DDI2: variants seen among roughly 807,000 people sequenced by gnomAD.
The protein encoded by DDI2 is protein DDI1 homolog 2.
DDI2 carries 5 observed loss-of-function variants against 48.1 expected under a neutral mutation model. The observed-to-expected ratio is 0.10, with a 90% CI of 0.05 to 0.22. The LOEUF (loss-of-function observed/expected upper bound fraction) is 0.22, where lower values mean the gene tolerates loss of function less well. Among genes scored for constraint, DDI2 ranks in the 10% least tolerant of loss-of-function variants. The pLI is 1.00. For missense variants in DDI2, 285 were observed against 506.2 expected (o/e 0.56, Z 4.19); for synonymous variants, 205 against 183.6 (o/e 1.12, Z -0.94).
chr1:15,631,033 C>T (rs1390399898), intron 3 of DDI2, among the ~76,000 whole-genome samples: 2 of 152,080 alleles, frequency 1.3e-5, no homozygotes, highest in South Asian at 2.1e-4. Context: ...TTATTAGAGA[C>T]GGGGTTTCAC....
At chr1:15,642,716 G>C (rs1424234917) in intron 5 of DDI2, among the ~76,000 whole-genome samples, 1 of 152,156 alleles carries the variant, frequency 6.6e-6, no homozygotes, top group Non-Finnish European at 1.5e-5. Flanking sequence ...TTGAGGTGAG[G>C]AGTTCCAGAC....
At chr1:15,649,499 C>T (rs1303229505) in intron 6 of DDI2, among the ~76,000 whole-genome samples, 1 of 152,066 alleles carries the variant, frequency 6.6e-6, no homozygotes, top group Non-Finnish European at 1.5e-5. Flanking sequence ...GGCAAAACCC[C>T]GTCTCTACTA....
chr1:15,644,150 C>T (rs1640050196), intron 6 of DDI2, among the ~76,000 whole-genome samples: 1 of 152,182 alleles, frequency 6.6e-6, no homozygotes, highest in Non-Finnish European at 1.5e-5. Context: ...TCCCTTCAAG[C>T]ACATCCAATA....
chr1:15,660,736 G>C lies in DDI2; in HGVS notation c.*946G>C. 6.2e-7 allele frequency: 1 copy of C among 1,613,796 alleles called. No homozygotes were observed. Among genetic ancestry groups the C allele is most frequent in the Non-Finnish European group, 8.5e-7 (1 of 1,179,938 alleles). On this transcript the variant is annotated 3_prime_UTR_variant, in exon 10 of 10. Transcript: ENST00000480945. ...TTTAGATAATCCCTTGATGGAAGTA[G>C]AAACATCAAAATGTAACCCTTCATC... is the stretch of plus-strand genomic sequence containing the variant.
intron 1 of DDI2, among the ~76,000 whole-genome samples, chr1:15,625,517 T>C (rs1168168145): frequency 6.6e-6 from 1 of 152,224 alleles, no homozygotes; most frequent in Non-Finnish European, 1.5e-5. Flanking sequence ...TTTTTTTCAG[T>C]TTGATTACAC....
chr1:15,641,298 C>G (rs961055039), intron 5 of DDI2, among the ~76,000 whole-genome samples: 2 of 151,500 alleles, frequency 1.3e-5, no homozygotes, highest in African/African-American at 4.9e-5. Context: ...ATGGTGAAAC[C>G]CCATGTCTAT....
At chr1:15,651,951 G>C in intron 8 of DDI2, 56 bp downstream of exon 8, 1 of 1,543,224 alleles carries the variant, frequency 6.5e-7, no homozygotes, top group Non-Finnish European at 8.8e-7. Flanking sequence ...AGCCCGGGAA[G>C]TGTGGGCTTC....
At chr1:15,629,313 C>T (rs991046206) in intron 2 of DDI2, among the ~76,000 whole-genome samples, 1 of 152,052 alleles carries the variant, frequency 6.6e-6, no homozygotes, top group Non-Finnish European at 1.5e-5. Flanking sequence ...TCCTTTGATC[C>T]GGCCGGGCAC....
intron 1 of DDI2, among the ~76,000 whole-genome samples, chr1:15,625,063 T>G (rs137944160): frequency 2.0e-5 from 3 of 152,366 alleles, no homozygotes; most frequent in Admixed American, 6.5e-5. Flanking sequence ...TGTCTATAAA[T>G]TCTGAGAGCA....
Position 15,661,376 on chromosome 1 carries a change from C to T in DDI2, c.*1586C>T. ...AAACTTTTAGCAGGTGAGGAGGATG[C>T]ACTCAATCAGACTTCTGAGCAAACT... On this transcript the variant is annotated 3_prime_UTR_variant, in exon 10 of 10. Coordinates refer to ENST00000480945, the MANE Select transcript of DDI2 (RefSeq NM_032341.5). 1 of 1,614,164 alleles carries T rather than the reference C, an allele frequency of 6.2e-7. No individual in the cohort carries two copies. Among genetic ancestry groups the T allele is most frequent in the Non-Finnish European group, 8.5e-7 (1 of 1,180,016 alleles).
rs1640409594 is a variant in DDI2, at chr1:15,663,469, G to A, written c.*3679G>A. 6.6e-6 allele frequency: 1 copy of A among 152,170 alleles called. No homozygotes were observed. Among genetic ancestry groups the A allele is most frequent in the South Asian group, 2.1e-4 (1 of 4,826 alleles). 9.4% of individuals were successfully genotyped at this position (152,170 alleles called of 1,614,324 possible). On this transcript the variant is annotated 3_prime_UTR_variant, in exon 10 of 10. Coordinates refer to ENST00000480945, the MANE Select transcript of DDI2 (RefSeq NM_032341.5). ...TTCATCATGATCCTTTATGTAGTTA[G>A]GAAATGGTTGACAGAAGGAATTGTA...
chr1:15,649,371 T>A (rs1640143442), intron 6 of DDI2, among the ~76,000 whole-genome samples: 1 of 146,520 alleles, frequency 6.8e-6, no homozygotes, highest in Non-Finnish European at 1.5e-5. Flanking sequence ...CAAAAAATAA[T>A]AATGAAAAGA....
rs1640484801 is a variant in DDI2 at position 15,668,368 on chromosome 1, A to G, written c.*8578A>G. ...CCAAGACCTTCCCATTTGAATGACT[A>G]GATTTCTATTCTATCCCCGATCATC... On this transcript the variant is annotated 3_prime_UTR_variant, in exon 10 of 10. Transcript: ENST00000480945. 6.6e-6 allele frequency: 1 copy of G among 152,240 alleles called. No individual in the cohort carries two copies. The highest frequency in any genetic ancestry group is 2.4e-5 in the African/African-American group (1 of 41,462). The allele number at this position is 152,240 out of a possible 1,614,324, so 9.4% of individuals were successfully genotyped here. A position where few individuals can be genotyped will look rare whatever the true frequency, so the allele number is the denominator to read the frequency against.
At position 15,666,681 on chromosome 1, in the gene DDI2, T is replaced by C. The variant is rs1293148843; in HGVS notation, c.*6891T>C. 1 of 152,230 alleles carries C rather than the reference T, an allele frequency of 6.6e-6. No homozygotes were observed. The highest frequency in any genetic ancestry group is 1.9e-4 in the East Asian group (1 of 5,192). The allele number at this position is 152,230 out of a possible 1,614,324, so 9.4% of individuals were successfully genotyped here. ...GCCTGTGTGCCAGGCACAGGTGAAC[T>C]CTGGGGATTCAGGGGTAACTAAAAC... On this transcript the variant is annotated 3_prime_UTR_variant, in exon 10 of 10. Transcript: ENST00000480945.
chr1:15,628,131 G>T, intron 2 of DDI2, among the ~76,000 whole-genome samples: 1 of 151,860 alleles, frequency 6.6e-6, no homozygotes, highest in East Asian at 1.9e-4. Context: ...GGAGTGATCT[G>T]GTCTATTAAG....
chr1:15,638,226 T>C, intron 4 of DDI2, 81 bp from the exon 5 acceptor site: 2 of 1,594,336 alleles, frequency 1.3e-6, no homozygotes, highest in East Asian at 2.3e-5. Flanking sequence ...TACAAATCTG[T>C]TTTTTAATAT....
chr1:15,651,388 G>A (rs992379343), intron 7 of DDI2, among the ~76,000 whole-genome samples: 8 of 152,088 alleles, frequency 5.3e-5, no homozygotes, highest in Non-Finnish European at 1.0e-4. Flanking sequence ...GCACAATCTT[G>A]GCTCACTGCA....
At chr1:15,624,564 C>T (rs764647938) in intron 1 of DDI2, among the ~76,000 whole-genome samples, 7 of 152,040 alleles carry the variant, frequency 4.6e-5, no homozygotes, top group African/African-American at 7.2e-5. Flanking sequence ...ACCTCCTGGG[C>T]TCAAGCAATC....
Position 15,655,851 on chromosome 1 carries a change from G to A in DDI2, c.1184-766G>A, listed in dbSNP as rs536904170. Among the ~76,000 whole-genome samples the A allele has an allele frequency of 2.0e-4, 30 of 152,084 alleles. No individual in the cohort carries two copies. The East Asian group carries it at 4.8e-3, about 24-fold the overall frequency. The stretch of plus-strand genomic sequence containing the variant: ...GAGGTGGAAAGATCACTTGATCCTG[G>A]GGAGATCAAGGCTACAGTGAGTTGT... On this transcript the variant is annotated intron_variant, in intron 8 of 9. Transcript: ENST00000480945.
Sources: gnomAD v4.1 joint callset for allele counts (sites outside exome capture counted in the v4.1 genomes callset) on GRCh38, gnomAD v4.1.1 for gene constraint, MANE v1.5 for transcripts, NCBI Gene and HGNC (gene_info 2026-07-23, HGNC 2026-07-21) for gene names.